ADAT1: variants seen among roughly 807,000 people sequenced by gnomAD.
ADAT1 encodes the protein adenosine deaminase tRNA specific 1.
In ADAT1, 58 loss-of-function variants were observed where a neutral mutation model predicts 58.6. The observed-to-expected ratio is 0.99, with a 90% CI of 0.80 to 1.23. The LOEUF is 1.23. ADAT1 is among the 50% of genes most tolerant of loss of function. ADAT1 has a pLI of 0.00. For synonymous variants in ADAT1, 254 were observed against 220.8 expected (o/e 1.15, Z -1.33); for missense variants, 741 against 608.6 (o/e 1.22, Z -2.29).
chr16:75,604,456 A>AAAAAAAAAATATATAT (rs1555508674), intron 8 of ADAT1, among the ~76,000 whole-genome samples: 1 of 48,786 alleles, frequency 2.0e-5, no homozygotes, highest in African/African-American at 1.4e-4. Flanking sequence ...AAAAAAAAAA[A>AAAAAAAAAATATATAT]ATATATATAT....
At chr16:75,615,630 G>C (rs1239663064) in intron 5 of ADAT1, among the ~76,000 whole-genome samples, 1 of 151,940 alleles carries the variant, frequency 6.6e-6, no homozygotes, top group African/African-American at 2.4e-5. Context: ...GACAAGTTTG[G>C]ATTAGGCCAT....
Position 75,612,382 on chromosome 16 carries a change from T to C in ADAT1, c.904A>G (p.Lys302Glu), listed in dbSNP as rs765765386. 6.2e-7 allele frequency: 1 copy of C among 1,614,244 alleles called. No individual in the cohort carries two copies. The highest frequency in any genetic ancestry group is 8.5e-7 in the Non-Finnish European group (1 of 1,180,044). ...CCGAGGACGTTCCATCGGGCCATCTTGTCACTACAGGACATGGAGCGTGTT... is the reference window on the plus strand; with the variant it reads ...CCGAGGACGTTCCATCGGGCCATCTCGTCACTACAGGACATGGAGCGTGTT... ...DRTRSMSCSD[K>E]MARWNVLGCQ... Residue 302 changes from lysine (K) to glutamate (E), a missense_variant, in exon 6 of 10, where the codon AAG becomes GAG. By Grantham distance (56) the Lys-to-Glu change is moderately conservative. Coordinates refer to ENST00000564657, the MANE Select transcript of ADAT1 (RefSeq NM_001324445.2).
chr16:75,608,754 T>C, intron 7 of ADAT1, 89 bp downstream of exon 7: 1 of 1,504,708 alleles, frequency 6.6e-7, no homozygotes, highest in Non-Finnish European at 8.9e-7. Flanking sequence ...GTGAACTACC[T>C]TCCTAGGCTG....
chr16:75,600,435 A>T, intron 9 of ADAT1, 87 bp from the exon 10 acceptor site: 1 of 1,558,954 alleles, frequency 6.4e-7, no homozygotes, highest in Non-Finnish European at 8.7e-7. Flanking sequence ...GCAACTGGAC[A>T]GACTTGTAAT....
intron 5 of ADAT1, among the ~76,000 whole-genome samples, chr16:75,613,188 G>A (rs999201558): frequency 3.9e-5 from 6 of 152,156 alleles, no homozygotes; most frequent in African/African-American, 1.4e-4. Flanking sequence ...CCAGTGAGTT[G>A]GAATTTCTGG....
chr16:75,619,085 C>T (rs1169724423), intron 3 of ADAT1, among the ~76,000 whole-genome samples: 1 of 152,174 alleles, frequency 6.6e-6, no homozygotes, highest in Non-Finnish European at 1.5e-5. Flanking sequence ...CAGAAGTATC[C>T]TACTTGTGCT....
chr16:75,615,186 A>G (rs2081660756), intron 5 of ADAT1, among the ~76,000 whole-genome samples: 2 of 147,564 alleles, frequency 1.4e-5, no homozygotes, highest in Non-Finnish European at 3.0e-5. Context: ...GAGATCGAGA[A>G]AAAAAAAAAA....
chr16:75,602,220 A>G (rs1184869504), intron 9 of ADAT1, among the ~76,000 whole-genome samples: 1 of 152,248 alleles, frequency 6.6e-6, no homozygotes, highest in Non-Finnish European at 1.5e-5. Context: ...ATCAGTCATA[A>G]TAGTTAATGA....
chr16:75,620,999 G>A (rs2081916517), intron 1 of ADAT1, among the ~76,000 whole-genome samples, 179 bp from the exon 2 acceptor site: 1 of 151,956 alleles, frequency 6.6e-6, no homozygotes, highest in Non-Finnish European at 1.5e-5. Flanking sequence ...TTTAATGAAA[G>A]ATCAAAGAAA....
At chr16:75,602,158 AGAG>A (rs1411887334) in intron 9 of ADAT1, among the ~76,000 whole-genome samples, 4 of 152,128 alleles carry the variant, frequency 2.6e-5, no homozygotes, top group Non-Finnish European at 4.4e-5. Flanking sequence ...AACTCTTGGG[AGAG>A]GAGGAGGTTG....
chr16:75,603,316 CCA>C (rs1409652508), intron 8 of ADAT1, 145 bp from the exon 9 acceptor site: 14 of 668,250 alleles, frequency 2.1e-5, no homozygotes, highest in African/African-American at 7.2e-5. Context: ...AGGAGAAAAT[CCA>C]GACCTGGATG....
In ADAT1 at chr16:75,620,659, G is replaced by A. The variant is rs1290387168; in HGVS notation, c.141C>T (p.Ala47=). 1.9e-6 allele frequency: 3 copies of A among 1,613,502 alleles called. No homozygotes were observed. The African/African-American group carries it at 4.0e-5, about 22-fold the overall frequency. ...VVKIQSPADK[A]CDTPDKPVQV... ...GCACCGGCTTATCAGGGGTGTCGCA[G>A]GCCTTGTCAGCTGGAGATTGTATCT... Residue 47 remains alanine (A), a synonymous_variant, in exon 2 of 10, where the codon GCC becomes GCT. Transcript: ENST00000564657.
rs777218956 is a variant in ADAT1, at chr16:75,623,251, G to C, written c.-870C>G. Reference sequence around the variant, plus strand: ...CTCCCCTCCCACCTTCAGGAAACGCGCCTAGAAGAAAGCGAGCTTAATCCG... The same window carrying C: ...CTCCCCTCCCACCTTCAGGAAACGCCCCTAGAAGAAAGCGAGCTTAATCCG... On this transcript the variant is annotated 5_prime_UTR_variant, in exon 1 of 10. Coordinates refer to ENST00000564657, the MANE Select transcript of ADAT1 (RefSeq NM_001324445.2). The C allele has an allele frequency of 3.9e-5, 6 of 151,976 alleles. No individual in the cohort carries two copies. Among genetic ancestry groups the C allele is most frequent in the African/African-American group, 9.7e-5 (4 of 41,160 alleles). The allele number at this position is 151,976 out of a possible 1,614,324, so 9.4% of individuals were successfully genotyped here. A position where few individuals can be genotyped will look rare whatever the true frequency, so the allele number is the denominator to read the frequency against.
chr16:75,609,225 G>A (rs927419258), intron 6 of ADAT1, among the ~76,000 whole-genome samples: 6 of 152,216 alleles, frequency 3.9e-5, no homozygotes, highest in Non-Finnish European at 7.3e-5. Context: ...CTTCAGGGAT[G>A]TAACACCAAA....
chr16:75,617,349 T>C, intron 4 of ADAT1, 77 bp from the exon 5 acceptor site: 1 of 1,509,132 alleles, frequency 6.6e-7, no homozygotes, highest in Non-Finnish European at 9.1e-7. Flanking sequence ...GGGTGATTAC[T>C]AAGACAGCTT....
chr16:75,599,160 C>G lies in ADAT1; in HGVS notation c.*1056G>C. 2.1e-6 allele frequency: 2 copies of G among 957,298 alleles called. No individual in the cohort carries two copies. Among genetic ancestry groups the G allele is most frequent in the Non-Finnish European group, 2.5e-6 (2 of 809,410 alleles). The allele number at this position is 957,298 out of a possible 1,614,324, so 59.3% of individuals were successfully genotyped here. On this transcript the variant is annotated 3_prime_UTR_variant, in exon 10 of 10. Coordinates refer to ENST00000564657, the MANE Select transcript of ADAT1 (RefSeq NM_001324445.2). ...GCAGCGGTACGATCTTTGCTCACCA[C>G]TACCTCCGCCTCCTGGGTTCAAGCA...
intron 8 of ADAT1, among the ~76,000 whole-genome samples, chr16:75,605,266 T>C (rs1053270742): frequency 6.6e-6 from 1 of 152,018 alleles, no homozygotes; most frequent in Non-Finnish European, 1.5e-5. Flanking sequence ...AATTTTTGTA[T>C]TTTTAGTAGA....
chr16:75,618,240 C>T (rs2081804166), intron 4 of ADAT1, among the ~76,000 whole-genome samples: 1 of 151,900 alleles, frequency 6.6e-6, no homozygotes, highest in African/African-American at 2.4e-5. Context: ...GGCGCGGTGG[C>T]TCACACCTGT....
intron 6 of ADAT1, among the ~76,000 whole-genome samples, chr16:75,609,541 G>A (rs748508579): frequency 3.9e-5 from 6 of 152,074 alleles, no homozygotes; most frequent in Admixed American, 6.6e-5. Context: ...TAGGGATATA[G>A]TTCACATACC....
Sources: allele counts gnomAD v4.1 joint callset (sites outside exome capture counted in the v4.1 genomes callset), GRCh38; gene constraint gnomAD v4.1.1; transcripts MANE v1.5; gene names NCBI Gene and HGNC (gene_info 2026-07-23, HGNC 2026-07-21).